ADGRL3: variants seen among roughly 807,000 people sequenced by gnomAD.
ADGRL3 encodes the protein calcium-independent alpha-latrotoxin receptor 3.
A neutral mutation model predicts 153.5 loss-of-function variants in ADGRL3; 62 were observed. The observed-to-expected ratio is 0.40, with a 90% confidence interval of 0.33 to 0.50. The LOEUF (loss-of-function observed/expected upper bound fraction) is 0.50, where lower values mean the gene tolerates loss of function less well. Ranked by LOEUF, ADGRL3 falls within the 20% of genes least tolerant of loss-of-function variation. ADGRL3 has a pLI of 0.47. For missense variants in ADGRL3, 1,641 were observed against 1,859.4 expected (o/e 0.88, Z 2.16); for synonymous variants, 710 against 672.5 (o/e 1.06, Z -0.86).
intron 1 of ADGRL3, among the ~76,000 whole-genome samples, chr4:61,324,186 G>T (rs1455715158): frequency 1.3e-5 from 2 of 152,130 alleles, no homozygotes; most frequent in Non-Finnish European, 2.9e-5. Flanking sequence ...GGAATAATGG[G>T]AGCTACAAGA....
intron 6 of ADGRL3, among the ~76,000 whole-genome samples, chr4:61,699,838 C>G (rs1235663642): frequency 6.6e-6 from 1 of 151,898 alleles, no homozygotes; most frequent in South Asian, 2.1e-4. Context: ...CATTCAGAAA[C>G]TACTTGAAAG....
rs370468968 is a variant in ADGRL3, at chr4:61,521,106, A to G, written c.259+3588A>G. On this transcript the variant is annotated intron_variant, in intron 4 of 26. Transcript: ENST00000683033. ...GCAACTGTGTAACAGAGGCAATACTAGGAATACCTATTATAGGGGTGAGAA... is the reference window on the plus strand; with the variant it reads ...GCAACTGTGTAACAGAGGCAATACTGGGAATACCTATTATAGGGGTGAGAA... Among the ~76,000 whole-genome samples the G allele has an allele frequency of 3.3e-4, 51 of 152,280 alleles. 1 individual carries two copies. Among genetic ancestry groups the G allele is most frequent in the African/African-American group, 1.2e-3 (51 of 41,564 alleles).
intron 21 of ADGRL3, among the ~76,000 whole-genome samples, chr4:62,002,805 A>G (rs2099145044): frequency 6.6e-6 from 1 of 152,132 alleles, no homozygotes; most frequent in Non-Finnish European, 1.5e-5. Context: ...AGTGCTTACA[A>G]TAATCATAGC....
intron 9 of ADGRL3, among the ~76,000 whole-genome samples, chr4:61,815,563 G>A (rs2097678740): frequency 6.6e-6 from 1 of 152,214 alleles, no homozygotes; most frequent in African/African-American, 2.4e-5. Flanking sequence ...TACAGGGAAA[G>A]GGGCAGAAAT....
chr4:61,278,240 C>T (rs924374726), intron 1 of ADGRL3, among the ~76,000 whole-genome samples: 1 of 152,080 alleles, frequency 6.6e-6, no homozygotes, highest in African/African-American at 2.4e-5. Flanking sequence ...TTCATCTGCC[C>T]TTTCTCTTGC....
chr4:61,947,916 A>C (rs2150314254), intron 16 of ADGRL3, among the ~76,000 whole-genome samples, 184 bp from the exon 17 acceptor site: 1 of 152,338 alleles, frequency 6.6e-6, no homozygotes, highest in South Asian at 2.1e-4. Context: ...AGTCAAAGGG[A>C]ACAAACAATA....
At chr4:61,462,164 C>T (rs2097828017) in intron 2 of ADGRL3, among the ~76,000 whole-genome samples, 1 of 152,082 alleles carries the variant, frequency 6.6e-6, no homozygotes, top group Admixed American at 6.6e-5. Flanking sequence ...CCAGTGTTTC[C>T]TATTTGGGCT....
intron 5 of ADGRL3, among the ~76,000 whole-genome samples, chr4:61,671,035 T>TG (rs1338530934): frequency 6.6e-6 from 1 of 152,166 alleles, no homozygotes; most frequent in African/African-American, 2.4e-5. Context: ...GGTACAGGTG[T>TG]GTTCTTGCAG....
chr4:62,058,372 A>G (rs554212115), intron 25 of ADGRL3, among the ~76,000 whole-genome samples: 1 of 152,172 alleles, frequency 6.6e-6, no homozygotes, highest in Non-Finnish European at 1.5e-5. Flanking sequence ...CTCTTAAAAA[A>G]TTTACTAAAA....
chr4:61,947,209 G>GT (rs1174723931), intron 16 of ADGRL3, 87 bp downstream of exon 16: 15 of 1,094,622 alleles, frequency 1.4e-5, no homozygotes, highest in East Asian at 2.5e-5. Context: ...TTCTTTTAAT[G>GT]TTTTTTCTAT....
At chr4:61,602,583 G>A (rs996058403) in intron 5 of ADGRL3, among the ~76,000 whole-genome samples, 3 of 152,044 alleles carry the variant, frequency 2.0e-5, no homozygotes, top group Non-Finnish European at 4.4e-5. Context: ...TAAGCCAATC[G>A]GTGCCCACCC....
chr4:61,743,013 T>C (rs1390671494), intron 8 of ADGRL3, among the ~76,000 whole-genome samples: 2 of 151,122 alleles, frequency 1.3e-5, no homozygotes, highest in Non-Finnish European at 2.9e-5. Context: ...TTTTTTTTTT[T>C]CAATAATGTT....
chr4:62,045,496 T>G (rs1203159495), intron 25 of ADGRL3, among the ~76,000 whole-genome samples: 1 of 152,028 alleles, frequency 6.6e-6, no homozygotes, highest in African/African-American at 2.4e-5. Flanking sequence ...TTCTGTTAGT[T>G]TTTTGTTATA....
intron 2 of ADGRL3, among the ~76,000 whole-genome samples, chr4:61,437,232 GAA>G (rs1578853862): frequency 6.6e-6 from 1 of 151,992 alleles, no homozygotes; most frequent in Non-Finnish European, 1.5e-5. Flanking sequence ...CAACGCTTTG[GAA>G]AGTTGATTAA....
chr4:61,779,314 G>A (rs12509742), intron 8 of ADGRL3, among the ~76,000 whole-genome samples: 68,491 of 151,302 alleles, frequency 0.45, 15,744 homozygotes, highest in East Asian at 0.61. Flanking sequence ...GAAACTCTGC[G>A]GGGGGGTGGA....
At chr4:61,536,092 T>C (rs767501657) in intron 4 of ADGRL3, among the ~76,000 whole-genome samples, 5 of 152,090 alleles carry the variant, frequency 3.3e-5, no homozygotes, top group Non-Finnish European at 7.4e-5. Context: ...ATGCCTTTTA[T>C]ATGTTTCTAA....
At chr4:61,996,235 A>G in intron 19 of ADGRL3, 56 bp from the exon 20 acceptor site, 3 of 1,089,250 alleles carry the variant, frequency 2.8e-6, no homozygotes, top group Non-Finnish European at 4.2e-6. Context: ...TTCACTCTTG[A>G]TGTATGTCCC....
At chr4:61,341,588 A>T (rs2095809630) in intron 1 of ADGRL3, among the ~76,000 whole-genome samples, 1 of 151,936 alleles carries the variant, frequency 6.6e-6, no homozygotes, top group South Asian at 2.1e-4. Flanking sequence ...TCATTTATTT[A>T]AAAATAGAAA....
chr4:61,871,754 A>G (rs1581236158), intron 9 of ADGRL3, among the ~76,000 whole-genome samples: 1 of 152,300 alleles, frequency 6.6e-6, no homozygotes, highest in South Asian at 2.1e-4. Context: ...GCTGAATTAT[A>G]TGGTATGTGA....
Sources: gnomAD v4.1 joint callset for allele counts (sites outside exome capture counted in the v4.1 genomes callset) on GRCh38, gnomAD v4.1.1 for gene constraint, MANE v1.5 for transcripts, NCBI Gene and HGNC (gene_info 2026-07-23, HGNC 2026-07-21) for gene names.